CSMD3: variants seen among roughly 807,000 people sequenced by gnomAD.
The protein encoded by CSMD3 is CUB and Sushi multiple domains 3, also known as CUB and sushi domain-containing protein 3.
CSMD3 carries 177 observed loss-of-function variants against 435.2 expected under a neutral mutation model. The observed-to-expected ratio is 0.41, with a 90% CI of 0.36 to 0.46. CSMD3 has a LOEUF of 0.46. Among genes scored for constraint, CSMD3 ranks in the 20% least tolerant of loss-of-function variants. CSMD3 has a pLI of 0.34. For missense variants in CSMD3, 4,265 were observed against 4,504.6 expected, an observed-to-expected ratio of 0.95 and a Z score of 1.52; for synonymous variants, 1,656 against 1,520.5, an observed-to-expected ratio of 1.09 and a Z score of -2.07.
At chr8:112,682,838 T>C (rs1334071728) in intron 15 of CSMD3, among the ~76,000 whole-genome samples, 1 of 152,118 alleles carries the variant, frequency 6.6e-6, no homozygotes, top group Non-Finnish European at 1.5e-5. Context: ...GCAATAAATG[T>C]GAATGTTTTA....
At chr8:112,512,113 ATCAACTTCTGCCAAAC>A (rs1215030775) in intron 28 of CSMD3, among the ~76,000 whole-genome samples, 1 of 152,244 alleles carries the variant, frequency 6.6e-6, no homozygotes. Flanking sequence ...GAGGGTTAGA[ATCAACTTCTGCCAAAC>A]TCCTGATAAT....
chr8:113,248,477 GTATATATACA>G (rs2093300921), intron 3 of CSMD3, among the ~76,000 whole-genome samples: 6 of 133,024 alleles, frequency 4.5e-5, no homozygotes, highest in Non-Finnish European at 6.4e-5. Context: ...TGATATATAT[GTATATATACA>G]TATATATACA....
chr8:112,850,670 G>A (rs1453073100), intron 11 of CSMD3, among the ~76,000 whole-genome samples: 1 of 152,190 alleles, frequency 6.6e-6, no homozygotes, highest in African/African-American at 2.4e-5. Flanking sequence ...CATTCACAAT[G>A]TAATCGCTAC....
intron 58 of CSMD3, among the ~76,000 whole-genome samples, chr8:112,284,774 C>T (rs1257612346): frequency 1.3e-5 from 2 of 151,732 alleles, no homozygotes; most frequent in East Asian, 1.9e-4. Context: ...TAGATATATC[C>T]CATGAATATT....
chr8:112,789,412 C>A (rs1437395699), intron 13 of CSMD3, among the ~76,000 whole-genome samples: 5 of 151,966 alleles, frequency 3.3e-5, no homozygotes, highest in Admixed American at 2.0e-4. Context: ...TGGAAACTGT[C>A]CTTACAGCAA....
intron 2 of CSMD3, among the ~76,000 whole-genome samples, chr8:113,287,897 A>G (rs958741613): frequency 6.6e-6 from 1 of 151,932 alleles, no homozygotes; most frequent in Non-Finnish European, 1.5e-5. Context: ...CCAGCCTTAA[A>G]CCTAGAATTC....
intron 2 of CSMD3, chr8:113,313,781 T>TA (rs2132664791): frequency 6.6e-6 from 1 of 152,312 alleles, no homozygotes; most frequent in Admixed American, 6.5e-5. Context: ...CTTATGGCAC[T>TA]TAAAGAAAAG....
chr8:112,844,250 T>C (rs1367453829), intron 11 of CSMD3, among the ~76,000 whole-genome samples: 1 of 151,958 alleles, frequency 6.6e-6, no homozygotes, highest in Non-Finnish European at 1.5e-5. Context: ...CTAATATCTT[T>C]TCTCTTGCTA....
chr8:112,569,347 T>C (rs1191048744), intron 24 of CSMD3, among the ~76,000 whole-genome samples: 2 of 152,132 alleles, frequency 1.3e-5, no homozygotes, highest in Admixed American at 6.6e-5. Context: ...TTCTCACTCT[T>C]CACTTTTTCT....
chr8:113,196,756 A>C (rs2092660689), intron 3 of CSMD3, among the ~76,000 whole-genome samples: 1 of 151,206 alleles, frequency 6.6e-6, no homozygotes, highest in South Asian at 2.1e-4. Flanking sequence ...GAAATTTATC[A>C]TGGCGTTTTA....
At chr8:112,820,750 C>T (rs953974669) in intron 12 of CSMD3, among the ~76,000 whole-genome samples, 1 of 151,654 alleles carries the variant, frequency 6.6e-6, no homozygotes, top group Non-Finnish European at 1.5e-5. Flanking sequence ...ATCAAGCCGT[C>T]ATCTAGGTTT....
At chr8:112,385,111 G>C (rs1586946069) in intron 36 of CSMD3, among the ~76,000 whole-genome samples, 1 of 152,070 alleles carries the variant, frequency 6.6e-6, no homozygotes, top group Admixed American at 6.6e-5. Flanking sequence ...TGAAAAGTTC[G>C]AGAAAGAATA....
intron 38 of CSMD3, among the ~76,000 whole-genome samples, chr8:112,358,213 T>C (rs1389475839): frequency 2.0e-5 from 3 of 152,094 alleles, no homozygotes; most frequent in Non-Finnish European, 4.4e-5. Context: ...ATTTCTCCCA[T>C]TTTGAATGGC....
intron 24 of CSMD3, among the ~76,000 whole-genome samples, chr8:112,572,320 T>C (rs911673213): frequency 6.6e-6 from 1 of 152,130 alleles, no homozygotes; most frequent in Non-Finnish European, 1.5e-5. Flanking sequence ...TATGTTTAGT[T>C]AATGTTAGTG....
intron 13 of CSMD3, among the ~76,000 whole-genome samples, chr8:112,737,075 G>C (rs1466522791): frequency 6.6e-6 from 1 of 151,910 alleles, no homozygotes; most frequent in Non-Finnish European, 1.5e-5. Flanking sequence ...AAAGAAATCT[G>C]AGAGAGACAT....
At chr8:112,856,195 C>A (rs1035974943) in intron 11 of CSMD3, among the ~76,000 whole-genome samples, 9 of 151,970 alleles carry the variant, frequency 5.9e-5, no homozygotes, top group African/African-American at 2.2e-4. Context: ...TTAAAGGAAA[C>A]ATTCCCTTAC....
At chr8:113,127,045 T>C (rs540761956) in intron 4 of CSMD3, among the ~76,000 whole-genome samples, 1 of 152,200 alleles carries the variant, frequency 6.6e-6, no homozygotes, top group South Asian at 2.1e-4. Context: ...CTTAGGTGTT[T>C]ACATAGCACC....
intron 5 of CSMD3, among the ~76,000 whole-genome samples, chr8:113,041,587 A>C (rs1423272161): frequency 6.6e-6 from 1 of 152,056 alleles, no homozygotes; most frequent in Non-Finnish European, 1.5e-5. Flanking sequence ...GAATAGCCTA[A>C]TTTTGAAGTA....
At chr8:112,297,150 G>A (rs1195189778) in intron 53 of CSMD3, among the ~76,000 whole-genome samples, 1 of 143,280 alleles carries the variant, frequency 7.0e-6, no homozygotes, top group African/African-American at 2.6e-5. Flanking sequence ...TTTTAATGGG[G>A]AAAATAATTC....
Sources: gnomAD v4.1 joint callset for allele counts (sites outside exome capture counted in the v4.1 genomes callset) on GRCh38, gnomAD v4.1.1 for gene constraint, MANE v1.5 for transcripts, NCBI Gene and HGNC (gene_info 2026-07-23, HGNC 2026-07-21) for gene names.